Variants in PSAT1 observed in about 807,000 individuals in gnomAD.
PSAT1 encodes the protein phosphoserine aminotransferase 1.
In PSAT1, 41 loss-of-function variants were observed where a neutral mutation model predicts 40.3. The observed-to-expected ratio is 1.02, with a 90% confidence interval of 0.79 to 1.32. The LOEUF (loss-of-function observed/expected upper bound fraction) is 1.32. Among genes scored for constraint, PSAT1 ranks in the 40% most tolerant of loss-of-function variants. PSAT1 has a pLI of 0.00. For missense variants in PSAT1, 406 were observed against 455.8 expected, an observed-to-expected ratio of 0.89 and a Z score of 0.99; for synonymous variants, 147 against 170.5, an observed-to-expected ratio of 0.86 and a Z score of 1.07.
Position 78,328,194 on chromosome 9 carries a change from T to G in PSAT1, c.1007+6T>G. On this transcript the variant is annotated splice_donor_region_variant and intron_variant, in intron 8 of 8. Transcript: ENST00000376588. ...TTGTCCTTGAAAGGGCATAGGTGAGTACATCTGCAATGCACGAGCTTGGCA... is the reference window on the plus strand; with the variant it reads ...TTGTCCTTGAAAGGGCATAGGTGAGGACATCTGCAATGCACGAGCTTGGCA... 6.2e-7 allele frequency: 1 copy of G among 1,614,012 alleles called. No individual in the cohort carries two copies. Among genetic ancestry groups the G allele is most frequent in the Non-Finnish European group, 8.5e-7 (1 of 1,180,002 alleles).
chr9:78,327,572 C>T (rs1378299966), intron 7 of PSAT1, among the ~76,000 whole-genome samples: 1 of 152,112 alleles, frequency 6.6e-6, no homozygotes, highest in African/African-American at 2.4e-5. Flanking sequence ...TGCTCAGGGT[C>T]ACACAGCTTG....
At chr9:78,326,457 C>T (rs1056548619) in intron 7 of PSAT1, among the ~76,000 whole-genome samples, 5 of 152,046 alleles carry the variant, frequency 3.3e-5, no homozygotes, top group Non-Finnish European at 7.4e-5. Context: ...GACAAAAATT[C>T]ACTCATAATC....
At position 78,329,046 on chromosome 9, in the gene PSAT1, C is replaced by A; in HGVS notation, c.1073C>A (p.Ala358Asp). The A allele has an allele frequency of 6.2e-7, 1 of 1,612,876 alleles. No homozygotes were observed. The highest frequency in any genetic ancestry group is 1.1e-5 in the South Asian group (1 of 91,030). The change falls in exon 9 of 9, where the codon GCC becomes GAC. Residue 358 changes from alanine (A) to aspartate (D), a missense_variant. Coordinates refer to ENST00000376588, the MANE Select transcript of PSAT1 (RefSeq NM_058179.4). ...AVTIEDVQKL[A>D]AFMKKFLEMH... is the part of the protein sequence containing the mutation. ...ACAATTGAAGACGTTCAGAAGCTGG[C>A]CGCCTTCATGAAAAAATTTTTGGAG...
intron 7 of PSAT1, among the ~76,000 whole-genome samples, chr9:78,320,344 C>T (rs976355025): frequency 2.0e-5 from 3 of 150,320 alleles, no homozygotes; most frequent in Non-Finnish European, 4.4e-5. Context: ...ATCTATCCAT[C>T]CATCCATCCA....
intron 1 of PSAT1, chr9:78,298,437 C>T (rs1055152030): frequency 3.0e-6 from 3 of 985,154 alleles, no homozygotes; most frequent in Middle Eastern, 5.2e-4. Context: ...GAAAGGACTT[C>T]TTACTTTTCT....
At chr9:78,306,179 C>T in intron 4 of PSAT1, 135 bp from the exon 5 acceptor site, 2 of 944,222 alleles carry the variant, frequency 2.1e-6, no homozygotes, top group South Asian at 1.3e-5. Flanking sequence ...AGGTTGCTTT[C>T]ACTCGTGCAA....
intron 7 of PSAT1, among the ~76,000 whole-genome samples, chr9:78,326,955 A>ATATATATATATTTTTTTTT: frequency 5.3e-5 from 4 of 75,934 alleles, no homozygotes; most frequent in East Asian, 4.2e-4. Context: ...ATATATATAT[A>ATATATATATATTTTTTTTT]TTTTTTTTTT....
intron 5 of PSAT1, among the ~76,000 whole-genome samples, chr9:78,307,186 A>C (rs1828196601): frequency 1.3e-5 from 2 of 152,176 alleles, no homozygotes; most frequent in Admixed American, 1.3e-4. Context: ...TACATTAAAC[A>C]CTAACTCCCT....
intron 6 of PSAT1, among the ~76,000 whole-genome samples, chr9:78,316,497 C>G (rs968029592): frequency 7.9e-5 from 12 of 152,148 alleles, no homozygotes; most frequent in African/African-American, 2.7e-4. Context: ...GCTTTTTCTG[C>G]TCTCCCCACT....
At position 78,304,750 on chromosome 9, in the gene PSAT1, CTA is replaced by C; in HGVS notation, c.210_211del (p.Tyr70Ter). ...TTCTGCCCAGAGCTGTTCCAGACAA[CTA>C]TAAGGTGATTTTTCTGCAAGGAGGT... ...VRELLAVPDN[Y>X]KVIFLQGGGC... On this transcript the variant is annotated frameshift_variant, in exon 4 of 9. Coordinates refer to ENST00000376588, the MANE Select transcript of PSAT1 (RefSeq NM_058179.4). LOFTEE classifies it high-confidence loss of function. 1 of 1,613,898 alleles carries C rather than the reference CTA, an allele frequency of 6.2e-7. No individual in the cohort carries two copies. The highest frequency in any genetic ancestry group is 8.5e-7 in the Non-Finnish European group (1 of 1,179,796).
intron 1 of PSAT1, among the ~76,000 whole-genome samples, chr9:78,298,606 A>G (rs921451803): frequency 6.6e-6 from 1 of 151,856 alleles, no homozygotes; most frequent in African/African-American, 2.4e-5. Context: ...TTTGTTCCCT[A>G]TGTATTTCGT....
intron 6 of PSAT1, among the ~76,000 whole-genome samples, chr9:78,313,103 C>T (rs11137600): frequency 0.29 from 44,605 of 151,964 alleles, 6,727 homozygotes; most frequent in East Asian, 0.45. Context: ...TGGTGGCTCA[C>T]GCCTGTAATC....
chr9:78,300,116 G>T (rs1828085796), intron 1 of PSAT1, among the ~76,000 whole-genome samples: 1 of 152,132 alleles, frequency 6.6e-6, no homozygotes, highest in African/African-American at 2.4e-5. Context: ...CAGTCTTGTT[G>T]CAGCACCCTG....
chr9:78,317,190 C>T (rs1268511558), intron 6 of PSAT1, among the ~76,000 whole-genome samples: 1 of 152,130 alleles, frequency 6.6e-6, no homozygotes, highest in Non-Finnish European at 1.5e-5. Flanking sequence ...TTGGGTTGAC[C>T]CTAGTCCTTG....
At chr9:78,297,854 A>G (rs1828049321) in intron 1 of PSAT1, among the ~76,000 whole-genome samples, 1 of 152,190 alleles carries the variant, frequency 6.6e-6, no homozygotes, top group Non-Finnish European at 1.5e-5. Context: ...TGCTTTAGCC[A>G]GCACTTAGGA....
chr9:78,319,310 G>T (rs1828393979), intron 7 of PSAT1, among the ~76,000 whole-genome samples: 1 of 152,230 alleles, frequency 6.6e-6, no homozygotes. Flanking sequence ...TGCAATGCTT[G>T]TTGCCTGTTT....
At chr9:78,326,955 A>ATATATATATATATATAT in intron 7 of PSAT1, among the ~76,000 whole-genome samples, 2 of 75,932 alleles carry the variant, frequency 2.6e-5, no homozygotes, top group African/African-American at 9.5e-5. Context: ...ATATATATAT[A>ATATATATATATATATAT]TTTTTTTTTT....
intron 6 of PSAT1, 35 bp from the exon 7 acceptor site, chr9:78,317,641 G>A: frequency 6.2e-7 from 1 of 1,610,142 alleles, no homozygotes; most frequent in Non-Finnish European, 8.5e-7. Context: ...TTGCAAAGAT[G>A]AGCTAAACGG....
chr9:78,306,960 G>A (rs906143519), intron 5 of PSAT1, among the ~76,000 whole-genome samples: 2 of 152,284 alleles, frequency 1.3e-5, no homozygotes, highest in East Asian at 1.9e-4. Flanking sequence ...GGTGCGATGC[G>A]GGTAGAGAAT....
Sources: gnomAD v4.1 joint callset for allele counts (sites outside exome capture counted in the v4.1 genomes callset) on GRCh38, gnomAD v4.1.1 for gene constraint, MANE v1.5 for transcripts, NCBI Gene and HGNC (gene_info 2026-07-23, HGNC 2026-07-21) for gene names.